EHD4: variants seen among roughly 807,000 people sequenced by gnomAD.
The protein encoded by EHD4 is EH domain-containing protein 4.
Under a neutral mutation model 51.0 loss-of-function variants are expected in EHD4, and 37 were observed. The ratio of observed to expected loss-of-function variants is 0.73; its 90% CI spans 0.56 to 0.95. EHD4 has a LOEUF of 0.95. Ranked by LOEUF, EHD4 falls within the 40% of genes least tolerant of loss-of-function variation. The pLI is 0.00. For missense variants in EHD4, 632 were observed against 733.1 expected, an observed-to-expected ratio of 0.86 and a Z score of 1.59; for synonymous variants, 297 against 317.3, an observed-to-expected ratio of 0.94 and a Z score of 0.68.
chr15:41,916,372 C>T (rs1459095711), intron 4 of EHD4, among the ~76,000 whole-genome samples: 1 of 152,246 alleles, frequency 6.6e-6, no homozygotes, highest in South Asian at 2.1e-4. Context: ...TGTGAAGCCT[C>T]GGGGACATAA....
At chr15:41,939,657 A>G (rs972054947) in intron 3 of EHD4, among the ~76,000 whole-genome samples, 7 of 152,096 alleles carry the variant, frequency 4.6e-5, no homozygotes, top group African/African-American at 1.7e-4. Flanking sequence ...AAAATTAGCC[A>G]GGCATGGTGG....
intron 2 of EHD4, among the ~76,000 whole-genome samples, chr15:41,952,499 G>A (rs2141004212): frequency 6.6e-6 from 1 of 152,248 alleles, no homozygotes; most frequent in Admixed American, 6.5e-5. Flanking sequence ...AGGAGGTGCA[G>A]GAGGGAGGAA....
intron 4 of EHD4, among the ~76,000 whole-genome samples, chr15:41,911,973 A>G (rs1310032762): frequency 3.9e-5 from 6 of 151,956 alleles, no homozygotes. Context: ...GTTCCTGAAC[A>G]CTCCCTGGTG....
Position 41,937,309 on chromosome 15 carries a change from T to C in EHD4, c.511+5758A>G, listed in dbSNP as rs556529468. ...TCACATATCTCTCTCTGTTCTTTCA[T>C]ACACTCTTTCTGTTGTCTAGAAGAG... On this transcript the variant is annotated intron_variant, in intron 3 of 5. Transcript: ENST00000220325. Among the ~76,000 whole-genome samples, 8 of 152,292 alleles carry C rather than the reference T, an allele frequency of 5.3e-5. No individual in the cohort carries two copies. In the East Asian group the frequency reaches 1.4e-3, roughly 26 times the overall value.
chr15:41,965,690 A>G (rs970713378), intron 1 of EHD4, among the ~76,000 whole-genome samples: 1 of 152,250 alleles, frequency 6.6e-6, no homozygotes, highest in Non-Finnish European at 1.5e-5. Context: ...AGCCACGTGC[A>G]GAAGGAACCA....
intron 1 of EHD4, among the ~76,000 whole-genome samples, chr15:41,967,515 T>C (rs916526939): frequency 6.6e-6 from 1 of 152,248 alleles, no homozygotes; most frequent in Non-Finnish European, 1.5e-5. Flanking sequence ...ATCTCAATAT[T>C]TTAGAGAGAT....
intron 2 of EHD4, among the ~76,000 whole-genome samples, chr15:41,946,747 C>T (rs536379553): frequency 3.3e-5 from 5 of 152,198 alleles, no homozygotes; most frequent in African/African-American, 1.2e-4. Flanking sequence ...TACATACATA[C>T]ATATCTACAG....
At chr15:41,903,331 A>AAAG (rs1320693678) in intron 5 of EHD4, among the ~76,000 whole-genome samples, 1 of 134,772 alleles carries the variant, frequency 7.4e-6, no homozygotes, top group Admixed American at 7.4e-5. Context: ...CTTTCTTGTA[A>AAAG]AAAAAAAAAA....
At chr15:41,906,761 C>T (rs1228427717) in intron 5 of EHD4, among the ~76,000 whole-genome samples, 1 of 152,262 alleles carries the variant, frequency 6.6e-6, no homozygotes, top group Non-Finnish European at 1.5e-5. Flanking sequence ...GCCACGTTCC[C>T]CTTGGGGTGA....
chr15:41,932,614 G>A (rs1327016905), intron 3 of EHD4, among the ~76,000 whole-genome samples: 1 of 152,162 alleles, frequency 6.6e-6, no homozygotes, highest in Non-Finnish European at 1.5e-5. Context: ...CTAGATACAA[G>A]AAAGAGGATT....
rs1265997662 is a variant in EHD4, at chr15:41,972,524, C to G, written c.-30G>C. The G allele has an allele frequency of 6.8e-7, 1 of 1,465,438 alleles. No homozygotes were observed. Among genetic ancestry groups the G allele is most frequent in the Non-Finnish European group, 9.0e-7 (1 of 1,112,892 alleles). 90.8% of individuals were successfully genotyped at this position (1,465,438 alleles called of 1,614,324 possible). ...CCGCCAGTCCACGCTCGGATGGGAC[C>G]CTGCTCCGGGTTCGACTCTCCCCGG... On this transcript the variant is annotated 5_prime_UTR_variant, in exon 1 of 6. Coordinates refer to ENST00000220325, the MANE Select transcript of EHD4 (RefSeq NM_139265.4).
intron 3 of EHD4, chr15:41,941,876 C>T (rs2067773894): frequency 6.6e-6 from 1 of 152,258 alleles, no homozygotes; most frequent in East Asian, 1.9e-4. Context: ...GCTTTGTGAG[C>T]TGTGGGGTGT....
intron 3 of EHD4, among the ~76,000 whole-genome samples, chr15:41,925,700 C>A (rs955050647): frequency 1.3e-5 from 2 of 152,180 alleles, no homozygotes; most frequent in African/African-American, 4.8e-5. Context: ...CCAAAGGACC[C>A]AAAAGCTACA....
At chr15:41,928,527 C>T (rs1595536470) in intron 3 of EHD4, 1 of 152,114 alleles carries the variant, frequency 6.6e-6, no homozygotes, top group Non-Finnish European at 1.5e-5. Flanking sequence ...TTTATTTTCT[C>T]CTTTTTGATT....
rs571976539 is a variant in EHD4 at position 41,897,384 on chromosome 15, C to T, written c.*3261G>A. 1 of 152,376 alleles carries T rather than the reference C, an allele frequency of 6.6e-6. No individual in the cohort carries two copies. Among genetic ancestry groups the T allele is most frequent in the East Asian group, 1.9e-4 (1 of 5,194 alleles). 9.4% of individuals were successfully genotyped at this position (152,376 alleles called of 1,614,324 possible). A position where few individuals can be genotyped will look rare whatever the true frequency, so the allele number is the denominator to read the frequency against. On this transcript the variant is annotated 3_prime_UTR_variant, in exon 6 of 6. Transcript: ENST00000220325. ...GAACCACAGCTCCACAGCCCCAAAT[C>T]CAAAGATGCTCTTGCTGCAGCACGA...
chr15:41,943,123 A>C lies in EHD4; in HGVS notation c.455T>G (p.Ile152Ser). ...GATGCCGGGGCTGTCGATGACGCTG[A>C]TGCTCTTCAGGACCTGATTGGGGAG... ...SQLPNQVLKSISVIDSPGILS... is the reference protein window; with the variant it reads ...SQLPNQVLKSSSVIDSPGILS... The change falls in exon 3 of 6, where the codon ATC becomes AGC. Residue 152 changes from isoleucine (I) to serine (S), a missense_variant. Ile to Ser is a moderately radical substitution (Grantham distance 142, BLOSUM62 -2). Coordinates refer to ENST00000220325, the MANE Select transcript of EHD4 (RefSeq NM_139265.4). The C allele has an allele frequency of 1.9e-6, 3 of 1,594,654 alleles. No homozygotes were observed. The highest frequency in any genetic ancestry group is 2.6e-6 in the Non-Finnish European group (3 of 1,170,626).
intron 1 of EHD4, among the ~76,000 whole-genome samples, chr15:41,971,372 T>C (rs746827875): frequency 1.3e-5 from 2 of 152,242 alleles, no homozygotes; most frequent in African/African-American, 2.4e-5. Context: ...TAAGTTCTTC[T>C]TACCAAAAAC....
At chr15:41,950,123 A>G (rs2067843653) in intron 2 of EHD4, among the ~76,000 whole-genome samples, 1 of 152,222 alleles carries the variant, frequency 6.6e-6, no homozygotes, top group South Asian at 2.1e-4. Flanking sequence ...TTGTTCAAGT[A>G]TGGAATTTCT....
intron 1 of EHD4, among the ~76,000 whole-genome samples, chr15:41,958,926 C>T (rs576603186): frequency 3.9e-4 from 60 of 152,286 alleles, no homozygotes; most frequent in African/African-American, 1.4e-3. Context: ...AGGACACCAC[C>T]CACCCTAAAT....
Sources: allele counts gnomAD v4.1 joint callset (sites outside exome capture counted in the v4.1 genomes callset), GRCh38; gene constraint gnomAD v4.1.1; transcripts MANE v1.5; gene names NCBI Gene and HGNC (gene_info 2026-07-23, HGNC 2026-07-21).